Variants in PTPRD observed in about 807,000 individuals in gnomAD.
PTPRD encodes protein tyrosine phosphatase receptor type D.
PTPRD carries 34 observed loss-of-function variants against 214.5 expected under a neutral mutation model. The ratio of observed to expected loss-of-function variants is 0.16; its 90% CI spans 0.12 to 0.21. PTPRD has a LOEUF of 0.21. Among genes scored for constraint, PTPRD ranks in the 10% least tolerant of loss-of-function variants. PTPRD has a pLI of 1.00. For synonymous variants in PTPRD, 1,128 were observed against 845.7 expected (o/e 1.33, Z -5.79); for missense variants, 2,545 against 2,398.7 (o/e 1.06, Z -1.27).
intron 39 of PTPRD, among the ~76,000 whole-genome samples, chr9:8,374,430 T>G (rs1015155142): frequency 6.6e-6 from 1 of 152,010 alleles, no homozygotes; most frequent in African/African-American, 2.4e-5. Flanking sequence ...ACTTTCATGA[T>G]GTAAAACCAC....
At chr9:8,603,311 G>A (rs1359603007) in intron 14 of PTPRD, among the ~76,000 whole-genome samples, 2 of 151,950 alleles carry the variant, frequency 1.3e-5, no homozygotes, top group East Asian at 3.9e-4. Flanking sequence ...TATTGTAATT[G>A]CAAAAGAAAA....
chr9:9,027,100 G>T (rs1316209208), intron 10 of PTPRD, among the ~76,000 whole-genome samples: 1 of 151,484 alleles, frequency 6.6e-6, no homozygotes, highest in Non-Finnish European at 1.5e-5. Flanking sequence ...TACTATTTCA[G>T]ATTGTACTTC....
At chr9:9,955,585 A>G (rs1287711599) in intron 4 of PTPRD, among the ~76,000 whole-genome samples, 4 of 149,828 alleles carry the variant, frequency 2.7e-5, no homozygotes, top group African/African-American at 5.0e-5. Flanking sequence ...GTATAGTGGC[A>G]CGATCTTGGC....
chr9:8,322,429 A>G (rs1310278228), intron 44 of PTPRD, among the ~76,000 whole-genome samples: 1 of 152,222 alleles, frequency 6.6e-6, no homozygotes, highest in African/African-American at 2.4e-5. Context: ...GAAGTAGAAC[A>G]GCTTTACTGC....
At position 8,415,075 on chromosome 9, in the gene PTPRD, A is replaced by G. The variant is rs142015669; in HGVS notation, c.4087-10415T>C. Among the ~76,000 whole-genome samples the G allele has an allele frequency of 4.6e-5, 7 of 152,224 alleles. No individual in the cohort carries two copies. In the East Asian group the frequency reaches 1.4e-3, roughly 29 times the overall value. ...AAGTAAAGAGAAATTTCTGCAGTGC[A>G]ATACCTATCTCCAATTATCTAACAC... is the stretch of plus-strand genomic sequence containing the variant. On this transcript the variant is annotated intron_variant, in intron 35 of 45. Transcript: ENST00000381196.
chr9:10,512,473 T>C (rs1400963074), intron 2 of PTPRD, among the ~76,000 whole-genome samples: 2 of 152,066 alleles, frequency 1.3e-5, no homozygotes, highest in African/African-American at 4.8e-5. Context: ...TACAGAGAGA[T>C]AGTGCTCCTA....
At chr9:10,171,548 A>G (rs2099205927) in intron 3 of PTPRD, among the ~76,000 whole-genome samples, 2 of 152,024 alleles carry the variant, frequency 1.3e-5, no homozygotes, top group African/African-American at 2.4e-5. Flanking sequence ...TTTTTGAGAC[A>G]GACTCTCGCT....
intron 8 of PTPRD, among the ~76,000 whole-genome samples, chr9:9,406,392 A>T (rs1222728835): frequency 6.6e-6 from 1 of 151,922 alleles, no homozygotes; most frequent in African/African-American, 2.4e-5. Flanking sequence ...AAGAATTAAG[A>T]AAGTAAGAGA....
intron 8 of PTPRD, among the ~76,000 whole-genome samples, chr9:9,439,187 A>G (rs1245029574): frequency 1.0e-5 from 1 of 99,084 alleles, no homozygotes; most frequent in Non-Finnish European, 2.2e-5. Flanking sequence ...ATCTGTTAAT[A>G]CATTAGATTT....
At chr9:9,640,537 G>T (rs1249352477) in intron 7 of PTPRD, among the ~76,000 whole-genome samples, 1 of 152,130 alleles carries the variant, frequency 6.6e-6, no homozygotes, top group East Asian at 1.9e-4. Flanking sequence ...TCTGTCACGT[G>T]GAACAGAATC....
intron 5 of PTPRD, among the ~76,000 whole-genome samples, chr9:9,907,694 G>C (rs945766243): frequency 2.0e-5 from 3 of 151,898 alleles, no homozygotes; most frequent in Non-Finnish European, 4.4e-5. Flanking sequence ...TCCCATAAAA[G>C]TGAACACTAA....
intron 7 of PTPRD, among the ~76,000 whole-genome samples, chr9:9,590,240 C>G (rs973417437): frequency 1.2e-4 from 18 of 151,978 alleles, no homozygotes; most frequent in African/African-American, 4.3e-4. Flanking sequence ...CAATATATCA[C>G]AAGAATTTTT....
At chr9:10,523,912 TA>T (rs923611151) in intron 2 of PTPRD, among the ~76,000 whole-genome samples, 2 of 151,792 alleles carry the variant, frequency 1.3e-5, no homozygotes, top group Admixed American at 6.6e-5. Context: ...TGGGCTGCCA[TA>T]AAAAAAGGTC....
chr9:10,411,987 T>A (rs1233483535), intron 2 of PTPRD, among the ~76,000 whole-genome samples: 1 of 151,772 alleles, frequency 6.6e-6, no homozygotes, highest in Non-Finnish European at 1.5e-5. Flanking sequence ...ACTTCAAAAT[T>A]AGCATGCATT....
At chr9:8,339,341 T>C (rs1850128760) in intron 42 of PTPRD, among the ~76,000 whole-genome samples, 1 of 152,130 alleles carries the variant, frequency 6.6e-6, no homozygotes, top group Admixed American at 6.6e-5. Context: ...AGGGTAAGCA[T>C]CTTCATACCT....
chr9:8,839,497 G>C (rs960115084), intron 11 of PTPRD, among the ~76,000 whole-genome samples: 4 of 151,970 alleles, frequency 2.6e-5, no homozygotes, highest in African/African-American at 7.3e-5. Flanking sequence ...GCTAATTTTT[G>C]TATTTTTAGT....
chr9:8,813,114 G>A (rs529373712), intron 11 of PTPRD, among the ~76,000 whole-genome samples: 14 of 152,318 alleles, frequency 9.2e-5, no homozygotes, highest in African/African-American at 3.4e-4. Flanking sequence ...GTCAGCTTTA[G>A]AGGGAGTATA....
chr9:9,683,334 G>C (rs2097109554), intron 7 of PTPRD, among the ~76,000 whole-genome samples: 1 of 151,730 alleles, frequency 6.6e-6, no homozygotes, highest in East Asian at 1.9e-4. Flanking sequence ...TACATAGGGA[G>C]TCTACTGGCA....
chr9:8,691,302 C>A (rs1024682748), intron 12 of PTPRD, among the ~76,000 whole-genome samples: 1 of 151,888 alleles, frequency 6.6e-6, no homozygotes, highest in Non-Finnish European at 1.5e-5. Flanking sequence ...TTCTTCCTCT[C>A]CATCCTACTG....
Sources: gnomAD v4.1 joint callset for allele counts (sites outside exome capture counted in the v4.1 genomes callset) on GRCh38, gnomAD v4.1.1 for gene constraint, MANE v1.5 for transcripts, NCBI Gene and HGNC (gene_info 2026-07-23, HGNC 2026-07-21) for gene names.